The following SARM1 variants were observed in gnomAD, a reference collection of about 807,000 sequenced individuals.
The protein encoded by SARM1 is sterile alpha and TIR motif containing 1.
In SARM1, 60 loss-of-function variants were observed where a neutral mutation model predicts 65.1. The ratio of observed to expected loss-of-function variants is 0.92; its 90% CI spans 0.75 to 1.14. The LOEUF (loss-of-function observed/expected upper bound fraction) is 1.14. SARM1 is among the 50% of genes most tolerant of loss of function. The probability of loss-of-function intolerance (pLI) is 0.00; values close to 1 mark genes in which losing one functional copy is unlikely to be tolerated. For missense variants in SARM1, 913 were observed against 1,015.7 expected, an observed-to-expected ratio of 0.90 and a Z score of 1.37; for synonymous variants, 417 against 465.4, an observed-to-expected ratio of 0.90 and a Z score of 1.34.
intron 7 of SARM1, among the ~76,000 whole-genome samples, chr17:28,393,087 G>A (rs2068089072): frequency 6.6e-6 from 1 of 152,204 alleles, no homozygotes; most frequent in Admixed American, 6.5e-5. Flanking sequence ...ACGCTTTGAG[G>A]TAGGTTTTAT....
At chr17:28,378,886 G>A (rs1368103593) in intron 1 of SARM1, among the ~76,000 whole-genome samples, 2 of 152,084 alleles carry the variant, frequency 1.3e-5, no homozygotes, top group African/African-American at 2.4e-5. Flanking sequence ...GTCCAGGTTC[G>A]TGTTGCTGTG....
chr17:28,389,978 G>A (rs886615794), intron 7 of SARM1, among the ~76,000 whole-genome samples: 19 of 152,170 alleles, frequency 1.2e-4, no homozygotes, highest in African/African-American at 3.6e-4. Flanking sequence ...AGGTGTCAAC[G>A]AAAAGAGTCA....
Position 28,400,451 on chromosome 17 carries a change from G to A in SARM1, c.*4165G>A. On this transcript the variant is annotated 3_prime_UTR_variant, in exon 9 of 9. Coordinates refer to ENST00000585482, the MANE Select transcript of SARM1 (RefSeq NM_015077.4). ...CGCCCTTGGAAAATGGCTCCTGGAG[G>A]ATTAGGCAGCCATCTGCAAGGAGAG... is the stretch of plus-strand genomic sequence containing the variant. 1.1e-6 allele frequency: 1 copy of A among 894,638 alleles called. No homozygotes were observed. The highest frequency in any genetic ancestry group is 1.8e-5 in the South Asian group (1 of 56,512). The allele number at this position is 894,638 out of a possible 1,614,324, so 55.4% of individuals were successfully genotyped here.
Position 28,400,083 on chromosome 17 carries a change from CA to C in SARM1, c.*3799del, listed in dbSNP as rs879965376. ...TGATTTTTTAAATTTTTTATACAGACAAGGTCTTGCTATGTTGCCCAGGCTG... is the reference window on the plus strand; with the variant it reads ...TGATTTTTTAAATTTTTTATACAGACAGGTCTTGCTATGTTGCCCAGGCTG... On this transcript the variant is annotated 3_prime_UTR_variant, in exon 9 of 9. Transcript: ENST00000585482. 1.9e-4 allele frequency: 52 copies of C among 275,690 alleles called. No homozygotes were observed. The Admixed American group carries it at 2.2e-3, about 12-fold the overall frequency. 17.1% of individuals were successfully genotyped at this position (275,690 alleles called of 1,614,324 possible). A position where few individuals can be genotyped will look rare whatever the true frequency, so the allele number is the denominator to read the frequency against.
chr17:28,392,852 C>A (rs914867984), intron 7 of SARM1, among the ~76,000 whole-genome samples: 7 of 152,208 alleles, frequency 4.6e-5, no homozygotes, highest in African/African-American at 1.7e-4. Flanking sequence ...CTTGGACCGG[C>A]CCCAGAGGCT....
intron 1 of SARM1, among the ~76,000 whole-genome samples, chr17:28,379,630 A>G (rs1175738815): frequency 1.3e-5 from 2 of 152,160 alleles, no homozygotes; most frequent in Non-Finnish European, 2.9e-5. Flanking sequence ...TAAGAAAGAA[A>G]ATGACAGATA....
intron 1 of SARM1, among the ~76,000 whole-genome samples, chr17:28,375,865 TCTCTGGAGATAAACCA>T (rs1555584544): frequency 6.6e-6 from 1 of 152,142 alleles, no homozygotes; most frequent in Admixed American, 6.5e-5. Flanking sequence ...CCAGACCCCC[TCTCTGGAGATAAACCA>T]CTATAACAAG....
In SARM1 at chr17:28,381,227, G is replaced by T; in HGVS notation, c.495G>T (p.Leu165=). 2 of 1,609,828 alleles carry T rather than the reference G, an allele frequency of 1.2e-6. No individual in the cohort carries two copies. Among genetic ancestry groups the T allele is most frequent in the South Asian group, 1.1e-5 (1 of 90,176 alleles). Residue 165 remains leucine (L), a synonymous_variant, in exon 2 of 9, where the codon CTG becomes CTT. Transcript: ENST00000585482. The stretch of plus-strand genomic sequence containing the variant: ...GAGACCGCGTGGCGCGCATTGGGCT[G>T]GGCGTGATCCTGAACCTGGCGAAGG... The part of the protein sequence containing the change: ...ENRDRVARIG[L]GVILNLAKER...
At chr17:28,380,645 A>C (rs2068017612) in intron 1 of SARM1, among the ~76,000 whole-genome samples, 1 of 152,340 alleles carries the variant, frequency 6.6e-6, no homozygotes, top group East Asian at 1.9e-4. Flanking sequence ...GTCATGGGCC[A>C]TGGAGTGAGG....
intron 1 of SARM1, among the ~76,000 whole-genome samples, chr17:28,380,279 A>G (rs1272552171): frequency 6.6e-6 from 1 of 151,976 alleles, no homozygotes; most frequent in Non-Finnish European, 1.5e-5. Context: ...CATTCTTTCT[A>G]TTCCTCAAAC....
intron 5 of SARM1, among the ~76,000 whole-genome samples, chr17:28,387,029 G>A (rs1448974470): frequency 2.0e-5 from 3 of 152,082 alleles, no homozygotes; most frequent in South Asian, 2.1e-4. Context: ...GTGGGCCACC[G>A]CACCCAGCGC....
Position 28,396,325 on chromosome 17 carries a change from T to C in SARM1, c.*39T>C. 6.2e-7 allele frequency: 1 copy of C among 1,610,122 alleles called. No individual in the cohort carries two copies. Among genetic ancestry groups the C allele is most frequent in the Non-Finnish European group, 8.5e-7 (1 of 1,177,272 alleles). ...CCCCAGCCCTGCTGTGACTTCCATT[T>C]CCATCGTCCTTTCTGAAGGAACAGC... On this transcript the variant is annotated 3_prime_UTR_variant, in exon 9 of 9. Transcript: ENST00000585482.
At chr17:28,390,267 A>G (rs147302647) in intron 7 of SARM1, among the ~76,000 whole-genome samples, 115 of 152,326 alleles carry the variant, frequency 7.5e-4, no homozygotes, top group African/African-American at 2.6e-3. Flanking sequence ...AGGTTAAGAT[A>G]AAGGGTTGTG....
intron 7 of SARM1, chr17:28,394,616 A>G (rs1019771334): frequency 1.3e-5 from 2 of 152,236 alleles, no homozygotes; most frequent in African/African-American, 2.4e-5. Flanking sequence ...TCAATTTGCC[A>G]GAATGACTCA....
rs1165430918 is a variant in SARM1 at position 28,400,591 on chromosome 17, G to T, written c.*4305G>T. On this transcript the variant is annotated 3_prime_UTR_variant, in exon 9 of 9. Transcript: ENST00000585482. ...AGAAAGGGCTCCATTATGAGCATGGGTTCAGGGCCCTGCATTACCCAATCA... is the reference window on the plus strand; with the variant it reads ...AGAAAGGGCTCCATTATGAGCATGGTTTCAGGGCCCTGCATTACCCAATCA... The T allele has an allele frequency of 6.2e-7, 1 of 1,613,396 alleles. No individual in the cohort carries two copies. The highest frequency in any genetic ancestry group is 8.5e-7 in the Non-Finnish European group (1 of 1,179,732).
At chr17:28,379,297 A>ATTTTT (rs1555584909) in intron 1 of SARM1, among the ~76,000 whole-genome samples, 1 of 118,470 alleles carries the variant, frequency 8.4e-6, no homozygotes, top group African/African-American at 3.3e-5. Context: ...CTCCATTTAG[A>ATTTTT]TCTTTTTTTT....
intron 1 of SARM1, among the ~76,000 whole-genome samples, chr17:28,375,467 G>A (rs531481912): frequency 2.0e-5 from 3 of 151,920 alleles, no homozygotes; most frequent in African/African-American, 4.8e-5. Flanking sequence ...GCTTGATGAC[G>A]TGTGCCTGTA....
intron 1 of SARM1, among the ~76,000 whole-genome samples, chr17:28,377,263 A>G (rs1001548054): frequency 1.3e-5 from 2 of 151,978 alleles, no homozygotes; most frequent in Non-Finnish European, 2.9e-5. Context: ...CATGTCATGT[A>G]CCCTCTCTGA....
chr17:28,379,082 G>T (rs957933380), intron 1 of SARM1, among the ~76,000 whole-genome samples: 3 of 152,108 alleles, frequency 2.0e-5, no homozygotes, highest in Admixed American at 1.3e-4. Context: ...CTTTGGGAGA[G>T]GTTGCCTGTA....
Sources: gnomAD v4.1 joint callset for allele counts (sites outside exome capture counted in the v4.1 genomes callset) on GRCh38, gnomAD v4.1.1 for gene constraint, MANE v1.5 for transcripts, NCBI Gene and HGNC (gene_info 2026-07-23, HGNC 2026-07-21) for gene names.